SPATA13: variants seen among roughly 807,000 people sequenced by gnomAD.
The protein encoded by SPATA13 is spermatogenesis associated 13.
Under a neutral mutation model 104.0 loss-of-function variants are expected in SPATA13, and 50 were observed. The observed-to-expected ratio is 0.48, with a 90% CI of 0.38 to 0.61. The LOEUF is 0.61. Ranked by LOEUF, SPATA13 falls within the 20% of genes least tolerant of loss-of-function variation. The probability of loss-of-function intolerance (pLI) is 0.00; values close to 1 mark genes in which losing one functional copy is unlikely to be tolerated. For synonymous variants in SPATA13, 606 were observed against 667.5 expected (o/e 0.91, Z 1.42); for missense variants, 1,524 against 1,690.6 (o/e 0.90, Z 1.73).
intron 2 of SPATA13, among the ~76,000 whole-genome samples, chr13:23,986,479 C>T (rs1027451561): frequency 1.5e-4 from 23 of 152,140 alleles, no homozygotes; most frequent in Admixed American, 1.5e-3. Context: ...AAAAACCAGC[C>T]TAAAATGGAA....
chr13:24,127,185 G>A (rs367743218), intron 3 of SPATA13, among the ~76,000 whole-genome samples: 7 of 152,298 alleles, frequency 4.6e-5, no homozygotes, highest in African/African-American at 1.7e-4. Context: ...ATTTACAAAG[G>A]TGTGGCCAGG....
intron 3 of SPATA13, among the ~76,000 whole-genome samples, chr13:24,082,960 T>A (rs1459585720): frequency 3.3e-5 from 5 of 152,182 alleles, no homozygotes; most frequent in Non-Finnish European, 7.3e-5. Flanking sequence ...AAGAGTAGTA[T>A]TTTTTGTGTA....
At chr13:24,085,095 G>A (rs928988756) in intron 3 of SPATA13, among the ~76,000 whole-genome samples, 9 of 152,086 alleles carry the variant, frequency 5.9e-5, no homozygotes, top group African/African-American at 2.2e-4. Flanking sequence ...GGAGTGTGTA[G>A]TGTGGCATGT....
At chr13:24,281,027 A>G (rs1875469604) in intron 4 of SPATA13, among the ~76,000 whole-genome samples, 1 of 152,094 alleles carries the variant, frequency 6.6e-6, no homozygotes, top group South Asian at 2.1e-4. Flanking sequence ...ACATGGGTAC[A>G]CACATGCATA....
chr13:24,019,925 T>C (rs898549550), intron 3 of SPATA13, among the ~76,000 whole-genome samples: 2 of 152,208 alleles, frequency 1.3e-5, no homozygotes, highest in African/African-American at 2.4e-5. Context: ...CTGGAGTCTT[T>C]CTGTGGTTTT....
intron 1 of SPATA13, among the ~76,000 whole-genome samples, chr13:24,200,132 T>A (rs549873380): frequency 5.3e-5 from 8 of 152,220 alleles, no homozygotes; most frequent in Non-Finnish European, 1.0e-4. Context: ...GGCATTTTCT[T>A]AATTTAACCC....
chr13:24,035,528 C>A (rs1383078061), intron 3 of SPATA13, among the ~76,000 whole-genome samples: 3 of 152,158 alleles, frequency 2.0e-5, no homozygotes, highest in African/African-American at 7.2e-5. Flanking sequence ...GCTTTACAGG[C>A]CACAAGGACA....
At chr13:24,104,445 C>T (rs1015221960) in intron 3 of SPATA13, among the ~76,000 whole-genome samples, 4 of 152,160 alleles carry the variant, frequency 2.6e-5, no homozygotes, top group African/African-American at 7.2e-5. Context: ...AACACTTTCC[C>T]TTAACCATTT....
rs1881064760 is a variant in SPATA13 at position 24,122,470 on chromosome 13, A to G, written c.-111-100349A>G. On this transcript the variant is annotated intron_variant, in intron 3 of 14. Transcript: ENST00000424834. Reference sequence around the variant, plus strand: ...TCCATCTTCACCAGCCTGCTTAGCCAGAATCTCCAAATATTCTTGCCCATC... The same window carrying G: ...TCCATCTTCACCAGCCTGCTTAGCCGGAATCTCCAAATATTCTTGCCCATC... The G allele has an allele frequency of 1.1e-5, 18 of 1,608,626 alleles. No homozygotes were observed. The South Asian group carries it at 1.9e-4, about 17-fold the overall frequency.
At chr13:24,140,628 A>G (rs1033849) in intron 3 of SPATA13, among the ~76,000 whole-genome samples, 62,846 of 151,998 alleles carry the variant, frequency 0.41, 14,715 homozygotes, top group Admixed American at 0.54. Context: ...TCCTTCTGAG[A>G]CAGCTCTCAA....
At chr13:23,987,001 CTGTGTGTGTGTGTG>C (rs113990315) in intron 2 of SPATA13, among the ~76,000 whole-genome samples, 191 of 141,518 alleles carry the variant, frequency 1.3e-3, no homozygotes, top group East Asian at 0.013. Flanking sequence ...ATGGATATAT[CTGTGTGTGTGTGTG>C]TGTGTGTGTG....
chr13:24,231,246 C>G (rs985782228), intron 2 of SPATA13, among the ~76,000 whole-genome samples: 5 of 152,216 alleles, frequency 3.3e-5, no homozygotes, highest in Non-Finnish European at 5.9e-5. Context: ...AGAAAGAAGC[C>G]TCGCGCCATT....
At chr13:24,208,333 A>G (rs897306055) in intron 1 of SPATA13, among the ~76,000 whole-genome samples, 26 of 152,356 alleles carry the variant, frequency 1.7e-4, no homozygotes, top group Admixed American at 1.6e-3. Flanking sequence ...TGTTAATTAG[A>G]TGCAAAGTGG....
Position 24,306,821 on chromosome 13 carries a change from T to G in SPATA13, c.*4048T>G, listed in dbSNP as rs1877606346. On this transcript the variant is annotated 3_prime_UTR_variant, in exon 13 of 13. Coordinates refer to ENST00000382108, the MANE Select transcript of SPATA13 (RefSeq NM_001166271.3). ...GACTCGCTAACCTACTTTGCAAGGCTTTGGGCAACATTTTAGCTCATTAAC... is the reference window on the plus strand; with the variant it reads ...GACTCGCTAACCTACTTTGCAAGGCGTTGGGCAACATTTTAGCTCATTAAC... The G allele has an allele frequency of 6.6e-6, 1 of 152,226 alleles. No individual in the cohort carries two copies. The highest frequency in any genetic ancestry group is 1.5e-5 in the Non-Finnish European group (1 of 68,042). The allele number at this position is 152,226 out of a possible 1,614,324, so 9.4% of individuals were successfully genotyped here.
intron 1 of SPATA13, among the ~76,000 whole-genome samples, chr13:24,168,307 G>A (rs1017655691): frequency 6.6e-6 from 1 of 152,168 alleles, no homozygotes; most frequent in African/African-American, 2.4e-5. Context: ...GTCCTGGTAA[G>A]GTGGTTGAAT....
chr13:24,000,514 GC>G (rs1298013241), intron 2 of SPATA13, among the ~76,000 whole-genome samples: 5 of 152,154 alleles, frequency 3.3e-5, no homozygotes, highest in African/African-American at 9.7e-5. Context: ...CCCCAAACCT[GC>G]CTTCTAGGGG....
At chr13:24,252,658 G>A (rs1210652465) in intron 4 of SPATA13, 2 of 152,198 alleles carry the variant, frequency 1.3e-5, no homozygotes, top group African/African-American at 2.4e-5. Flanking sequence ...CCTGCTTTCT[G>A]TAACACTGGT....
At chr13:24,087,445 T>G (rs1174602308) in intron 3 of SPATA13, among the ~76,000 whole-genome samples, 2 of 152,208 alleles carry the variant, frequency 1.3e-5, no homozygotes, top group African/African-American at 4.8e-5. Context: ...GAAAGTAGAT[T>G]GTGACCCTTA....
chr13:24,275,213 A>G (rs2138705170), intron 4 of SPATA13, among the ~76,000 whole-genome samples: 1 of 152,326 alleles, frequency 6.6e-6, no homozygotes, highest in Middle Eastern at 3.4e-3. Context: ...TGACAGCTGC[A>G]GCCAGGAGGA....
Sources: allele counts gnomAD v4.1 joint callset (sites outside exome capture counted in the v4.1 genomes callset), GRCh38; gene constraint gnomAD v4.1.1; transcripts MANE v1.5; gene names NCBI Gene and HGNC (gene_info 2026-07-23, HGNC 2026-07-21).